PCDHA7: variants seen among roughly 807,000 people sequenced by gnomAD.
The protein encoded by PCDHA7 is protocadherin alpha-7.
Under a neutral mutation model 57.2 loss-of-function variants are expected in PCDHA7, and 37 were observed. The ratio of observed to expected loss-of-function variants is 0.65; its 90% confidence interval spans 0.50 to 0.85. The LOEUF is 0.85. PCDHA7 is among the 40% of genes least tolerant of loss of function. The pLI, the probability that PCDHA7 is intolerant of heterozygous loss-of-function variation, is 0.00. For synonymous variants in PCDHA7, 553 were observed against 558.8 expected (o/e 0.99, Z 0.15); for missense variants, 1,188 against 1,241.8 (o/e 0.96, Z 0.65).
At chr5:140,909,094 T>C (rs1445563506) in intron 1 of PCDHA7, among the ~76,000 whole-genome samples, 1 of 152,196 alleles carries the variant, frequency 6.6e-6, no homozygotes, top group Admixed American at 6.5e-5. Context: ...TACTTCTCAC[T>C]CACTGGGTCC....
At chr5:140,956,985 A>G (rs1554222760) in intron 1 of PCDHA7, among the ~76,000 whole-genome samples, 2 of 152,224 alleles carry the variant, frequency 1.3e-5, no homozygotes, top group African/African-American at 2.4e-5. Flanking sequence ...AGTAAAATAA[A>G]TTCAAGGAAG....
intron 1 of PCDHA7, among the ~76,000 whole-genome samples, chr5:140,840,497 T>C (rs2150307403): frequency 3.9e-5 from 6 of 152,088 alleles, no homozygotes; most frequent in African/African-American, 1.2e-4. Context: ...TTCTGGTAAA[T>C]ACTCACTTTT....
rs1265015709 is a variant in PCDHA7 at position 140,843,042 on chromosome 5, G to A, written c.2355+6304G>A. The A allele has an allele frequency of 6.3e-7, 1 of 1,595,054 alleles. No individual in the cohort carries two copies. The highest frequency in any genetic ancestry group is 8.6e-7 in the Non-Finnish European group (1 of 1,165,358). On this transcript the variant is annotated intron_variant, in intron 1 of 3. Transcript: ENST00000525929. ...CTGGAGCCTCGGGTGGGTGGCACTG[G>A]TGGCGCAGCGAGCAAGCTGGTGCCG... is the stretch of plus-strand genomic sequence containing the variant.
intron 1 of PCDHA7, among the ~76,000 whole-genome samples, chr5:140,900,300 A>G (rs1554189024): frequency 6.6e-6 from 1 of 151,644 alleles, no homozygotes; most frequent in Non-Finnish European, 1.5e-5. Flanking sequence ...GTTTTTTTAG[A>G]CAGTCTCACT....
chr5:140,923,508 G>C (rs570497442), intron 1 of PCDHA7, among the ~76,000 whole-genome samples: 1 of 152,222 alleles, frequency 6.6e-6, no homozygotes, highest in Non-Finnish European at 1.5e-5. Flanking sequence ...CAGCCTGGAT[G>C]ATGAAGTGAG....
chr5:140,967,477 C>T (rs782240426), intron 1 of PCDHA7: 1 of 1,613,396 alleles, frequency 6.2e-7, no homozygotes, highest in Non-Finnish European at 8.5e-7. Flanking sequence ...TCCCAGCCCG[C>T]TCGGGTACGG....
intron 1 of PCDHA7, chr5:140,857,901 G>C: frequency 1.3e-6 from 2 of 1,597,732 alleles, no homozygotes; most frequent in Non-Finnish European, 1.7e-6. Context: ...GTTGGTGCAC[G>C]CATCCCGTTT....
chr5:140,907,439 A>T (rs1217956706), intron 1 of PCDHA7, among the ~76,000 whole-genome samples: 1 of 152,250 alleles, frequency 6.6e-6, no homozygotes, highest in Non-Finnish European at 1.5e-5. Flanking sequence ...CTGTGAGTCC[A>T]CAGATGGTAA....
chr5:140,843,191 G>C lies in PCDHA7; in HGVS notation c.2355+6453G>C, dbSNP rs1201499380. 28 of 1,595,928 alleles carry C rather than the reference G, an allele frequency of 1.8e-5. 6 individuals are homozygous for C. Among genetic ancestry groups the C allele is most frequent in the Middle Eastern group, 1.7e-4 (1 of 6,014 alleles). On this transcript the variant is annotated intron_variant, in intron 1 of 3. Transcript: ENST00000525929. ...AAGCAGCCCTCGCATCCCGTTCCGC[G>C]TGGGGCTGTACACGGGCGAGATCAG...
At chr5:140,903,585 T>C (rs928775971) in intron 1 of PCDHA7, among the ~76,000 whole-genome samples, 2 of 152,224 alleles carry the variant, frequency 1.3e-5, no homozygotes, top group Non-Finnish European at 2.9e-5. Context: ...TAGCTGGTGT[T>C]GGCCTGATAA....
intron 3 of PCDHA7, among the ~76,000 whole-genome samples, chr5:140,982,882 C>CAGAGA (rs1353974224): frequency 6.6e-6 from 1 of 151,972 alleles, no homozygotes; most frequent in African/African-American, 2.4e-5. Context: ...CCAAGCCATG[C>CAGAGA]AGAGAAGATC....
At chr5:140,848,770 G>A in intron 1 of PCDHA7, 1 of 1,593,518 alleles carries the variant, frequency 6.3e-7, no homozygotes, top group Non-Finnish European at 8.6e-7. Flanking sequence ...CGGATCGACC[G>A]CGAGGAGCTG....
At chr5:140,936,340 C>T (rs1346812812) in intron 1 of PCDHA7, among the ~76,000 whole-genome samples, 1 of 152,102 alleles carries the variant, frequency 6.6e-6, no homozygotes, top group Non-Finnish European at 1.5e-5. Flanking sequence ...TCTCTATCTG[C>T]ATATATGGAA....
At chr5:140,875,445 C>A (rs2055496471) in intron 1 of PCDHA7, 1 of 1,582,278 alleles carries the variant, frequency 6.3e-7, no homozygotes, top group Middle Eastern at 1.7e-4. Context: ...AACTGATTGT[C>A]CCAACTCAGA....
intron 1 of PCDHA7, among the ~76,000 whole-genome samples, chr5:140,937,823 A>T (rs2091776135): frequency 6.6e-6 from 1 of 151,692 alleles, no homozygotes; most frequent in Admixed American, 6.6e-5. Context: ...GAGGCAGGAG[A>T]ATGGCATGAA....
chr5:140,922,953 G>A (rs2081086867), intron 1 of PCDHA7, among the ~76,000 whole-genome samples: 1 of 152,168 alleles, frequency 6.6e-6, no homozygotes, highest in Non-Finnish European at 1.5e-5. Context: ...AATCCAGTTT[G>A]TCTTCAGCCA....
At chr5:140,850,426 G>T (rs2150483795) in intron 1 of PCDHA7, 2 of 1,597,836 alleles carry the variant, frequency 1.3e-6, no homozygotes, top group Non-Finnish European at 1.7e-6. Flanking sequence ...GACGCACCGC[G>T]CCAGCGCCTA....
Position 140,835,702 on chromosome 5 carries a change from G to A in PCDHA7, c.1319G>A (p.Ser440Asn). The change falls in exon 1 of 4, where the codon AGC becomes AAC. Residue 440 changes from serine (S) to asparagine (N), a missense_variant. Coordinates refer to ENST00000525929, the MANE Select transcript of PCDHA7 (RefSeq NM_018910.3). ...GGSPSLWATA[S>N]VSVEVADVND... ...TCGCCTTCTCTGTGGGCCACTGCTAGCGTGTCCGTGGAGGTGGCCGACGTG... is the reference window on the plus strand; with the variant it reads ...TCGCCTTCTCTGTGGGCCACTGCTAACGTGTCCGTGGAGGTGGCCGACGTG... 1 of 1,613,922 alleles carries A rather than the reference G, an allele frequency of 6.2e-7. No homozygotes were observed. Among genetic ancestry groups the A allele is most frequent in the South Asian group, 1.1e-5 (1 of 91,074 alleles).
chr5:140,866,006 A>AT (rs879985909), intron 1 of PCDHA7: 11 of 151,858 alleles, frequency 7.2e-5, no homozygotes, highest in East Asian at 1.9e-4. Context: ...ATGTTAAGTG[A>AT]TTTTTTTCTT....
Sources: allele counts gnomAD v4.1 joint callset (sites outside exome capture counted in the v4.1 genomes callset), GRCh38; gene constraint gnomAD v4.1.1; transcripts MANE v1.5; gene names NCBI Gene and HGNC (gene_info 2026-07-23, HGNC 2026-07-21).